HS6ST2: variants seen among roughly 807,000 people sequenced by gnomAD.
HS6ST2 encodes the protein heparan-sulfate 6-O-sulfotransferase 2.
Under a neutral mutation model 33.0 loss-of-function variants are expected in HS6ST2, and 17 were observed. The ratio of observed to expected loss-of-function variants is 0.52; its 90% CI spans 0.35 to 0.77. The LOEUF (loss-of-function observed/expected upper bound fraction) is 0.77, where lower values mean the gene tolerates loss of function less well. Ranked by LOEUF, HS6ST2 falls within the 30% of genes least tolerant of loss-of-function variation. The pLI is 0.01. For synonymous variants in HS6ST2, 248 were observed against 237.1 expected (o/e 1.05, Z -0.42); for missense variants, 519 against 551.7 (o/e 0.94, Z 0.59).
At chrX:132,917,454 G>A (rs1467417316) in intron 2 of HS6ST2, among the ~76,000 whole-genome samples, 1 of 110,806 alleles carries the variant, frequency 9.0e-6, no homozygotes, top group Non-Finnish European at 1.9e-5. Context: ...CAAAAAATTA[G>A]CGGGGCATGG....
chrX:132,862,819 A>G (rs939321176), intron 2 of HS6ST2, among the ~76,000 whole-genome samples: 1 of 112,185 alleles, frequency 8.9e-6, no homozygotes, highest in Non-Finnish European at 1.9e-5. Context: ...GCACATAGTA[A>G]TCACTTTATG....
intron 2 of HS6ST2, among the ~76,000 whole-genome samples, chrX:132,869,534 C>T (rs890063274): frequency 4.5e-5 from 5 of 111,723 alleles, no homozygotes; most frequent in African/African-American, 6.5e-5. Flanking sequence ...ACTGGCAAAC[C>T]GAATCCAGCA....
intron 2 of HS6ST2, among the ~76,000 whole-genome samples, chrX:132,931,211 A>G (rs1021234370): frequency 2.5e-4 from 28 of 111,872 alleles, no homozygotes; most frequent in Admixed American, 4.7e-4. Context: ...CAGGACCAGT[A>G]CAGGTGGGTG....
intron 2 of HS6ST2, among the ~76,000 whole-genome samples, chrX:132,783,454 C>A (rs184278222): frequency 9.0e-5 from 10 of 111,593 alleles, no homozygotes; most frequent in Admixed American, 6.7e-4. Context: ...CGTGCAGTCT[C>A]TCCTCTTCCA....
chrX:132,855,638 A>G (rs1311000322), intron 2 of HS6ST2, among the ~76,000 whole-genome samples: 1 of 111,801 alleles, frequency 8.9e-6, no homozygotes, highest in Admixed American at 9.5e-5. Flanking sequence ...AGTAACATTA[A>G]CAATAATAAA....
At chrX:132,678,291 G>A (rs2063939939) in intron 3 of HS6ST2, among the ~76,000 whole-genome samples, 1 of 112,114 alleles carries the variant, frequency 8.9e-6, no homozygotes, top group Admixed American at 9.4e-5. Context: ...GGGAAGTCAA[G>A]GCTGCAGTGA....
At chrX:132,780,681 AGTT>A (rs2065009924) in intron 2 of HS6ST2, among the ~76,000 whole-genome samples, 1 of 111,231 alleles carries the variant, frequency 9.0e-6, no homozygotes, top group Non-Finnish European at 1.9e-5. Flanking sequence ...CACCTAATGG[AGTT>A]GTTGTGAGAA....
At position 132,784,304 on chromosome X, in the gene HS6ST2, CTTGT is replaced by C. The variant is rs763187044; in HGVS notation, c.948-75814_948-75811del. Reference sequence around the variant, plus strand: ...AACTGAGCCTCAATGTCTCTTTTTGCTTGTTTGTTTGTTTGTTTGTTTGTTGAGG... The same window carrying C: ...AACTGAGCCTCAATGTCTCTTTTTGCTTGTTTGTTTGTTTGTTTGTTGAGG... On this transcript the variant is annotated intron_variant, in intron 2 of 4. Coordinates refer to ENST00000370833, the MANE Select transcript of HS6ST2 (RefSeq NM_001394073.1). Among the ~76,000 whole-genome samples the C allele has an allele frequency of 1.0e-3, 112 of 110,734 alleles. 1 individual carries two copies. The highest frequency in any genetic ancestry group is 9.3e-3 in the Middle Eastern group (2 of 215).
chrX:132,751,420 C>T (rs1274134489), intron 2 of HS6ST2, among the ~76,000 whole-genome samples: 1 of 112,019 alleles, frequency 8.9e-6, no homozygotes, highest in African/African-American at 3.2e-5. Context: ...CAGGACTGCA[C>T]CTGGGAAGGC....
chrX:132,715,773 C>A (rs1321441225), intron 2 of HS6ST2, among the ~76,000 whole-genome samples: 2 of 112,411 alleles, frequency 1.8e-5, no homozygotes, highest in Non-Finnish European at 3.8e-5. Flanking sequence ...GGGAAAACAA[C>A]CATAAAAGAC....
In HS6ST2 at chrX:132,695,986, T is replaced by C. The variant is rs181622142; in HGVS notation, c.980+12476A>G. On this transcript the variant is annotated intron_variant, in intron 3 of 4. Coordinates refer to ENST00000370833, the MANE Select transcript of HS6ST2 (RefSeq NM_001394073.1). The stretch of plus-strand genomic sequence containing the variant: ...CTTCCATTTGGGCATCAGAGGTCAT[T>C]TGCAGATCCTGACATAACTAATCCT... Among the ~76,000 whole-genome samples the C allele has an allele frequency of 7.6e-4, 85 of 111,708 alleles. 1 individual carries two copies. In the Admixed American group the frequency reaches 7.8e-3, roughly 10 times the overall value.
chrX:132,815,995 TTTA>T (rs2065391315), intron 2 of HS6ST2, among the ~76,000 whole-genome samples: 1 of 112,041 alleles, frequency 8.9e-6, no homozygotes, highest in African/African-American at 3.2e-5. Context: ...ATATGGTGTA[TTTA>T]TTATATCTCA....
At chrX:132,814,483 T>C (rs758866685) in intron 2 of HS6ST2, among the ~76,000 whole-genome samples, 3 of 112,260 alleles carry the variant, frequency 2.7e-5, no homozygotes, top group African/African-American at 9.7e-5. Flanking sequence ...GTACTTGGTA[T>C]TTTACAGAGC....
At chrX:132,865,560 T>A (rs2065966175) in intron 2 of HS6ST2, among the ~76,000 whole-genome samples, 1 of 110,865 alleles carries the variant, frequency 9.0e-6, no homozygotes, top group Non-Finnish European at 1.9e-5. Context: ...CACACTGACT[T>A]CCACAATGGT....
chrX:132,954,922 C>G (rs1442726787), intron 2 of HS6ST2, among the ~76,000 whole-genome samples: 1 of 111,895 alleles, frequency 8.9e-6, no homozygotes, highest in Non-Finnish European at 1.9e-5. Context: ...AGCCACCAAA[C>G]AGATAATCTA....
chrX:132,669,302 T>A (rs1367164879), intron 3 of HS6ST2, 103 bp from the exon 4 acceptor site: 5 of 570,657 alleles, frequency 8.8e-6, no homozygotes, highest in Non-Finnish European at 8.1e-6. Flanking sequence ...AGCCTGCATA[T>A]CCCCCCACCA....
At chrX:132,948,622 T>A (rs1345761564) in intron 2 of HS6ST2, among the ~76,000 whole-genome samples, 1 of 112,178 alleles carries the variant, frequency 8.9e-6, no homozygotes. Context: ...TGGGATGCAA[T>A]AAGACCAACT....
At chrX:132,781,276 T>A (rs1051037672) in intron 2 of HS6ST2, among the ~76,000 whole-genome samples, 1 of 111,777 alleles carries the variant, frequency 8.9e-6, no homozygotes, top group Non-Finnish European at 1.9e-5. Context: ...GTCCTAAGTG[T>A]AATATTCAAG....
chrX:132,750,465 A>G (rs1459533954), intron 2 of HS6ST2, among the ~76,000 whole-genome samples: 1 of 111,427 alleles, frequency 9.0e-6, no homozygotes, highest in Non-Finnish European at 1.9e-5. Context: ...AAGCCACAAC[A>G]ATCTACTTTT....
Sources: gnomAD v4.1 joint callset for allele counts (sites outside exome capture counted in the v4.1 genomes callset) on GRCh38, gnomAD v4.1.1 for gene constraint, MANE v1.5 for transcripts, NCBI Gene and HGNC (gene_info 2026-07-23, HGNC 2026-07-21) for gene names.